The following PHLDB1 variants were observed in gnomAD, a reference collection of about 807,000 sequenced individuals.
PHLDB1 encodes pleckstrin homology like domain family B member 1.
PHLDB1 carries 65 observed loss-of-function variants against 139.3 expected under a neutral mutation model. The observed-to-expected ratio is 0.47, with a 90% confidence interval of 0.38 to 0.57. PHLDB1 has a LOEUF of 0.57. PHLDB1 is among the 20% of genes least tolerant of loss of function. The probability of loss-of-function intolerance (pLI) is 0.00; values close to 1 mark genes in which losing one functional copy is unlikely to be tolerated. For synonymous variants in PHLDB1, 679 were observed against 734.5 expected (o/e 0.92, Z 1.22); for missense variants, 1,624 against 1,839.7 (o/e 0.88, Z 2.14).
In PHLDB1 at chr11:118,627,908, G is replaced by A. The variant is rs782113295; in HGVS notation, c.1085G>A (p.Ser362Asn). The stretch of plus-strand genomic sequence containing the variant: ...GGGCAGCTGCCTGTGGTGGCCATCA[G>A]CCTGAGTGAATACCCAGCTTCTGGT... ...LGGQLPVVAI[S>N]LSEYPASGAL... Residue 362 changes from serine to asparagine, a missense_variant, in exon 6 of 23, where the codon AGC becomes AAC. Transcript: ENST00000600882. 1 of 1,611,658 alleles carries A rather than the reference G, an allele frequency of 6.2e-7. No homozygotes were observed. Among genetic ancestry groups the A allele is most frequent in the Non-Finnish European group, 8.5e-7 (1 of 1,180,020 alleles).
intron 13 of PHLDB1, 114 bp downstream of exon 13, chr11:118,642,508 C>A: frequency 1.6e-6 from 2 of 1,273,934 alleles, no homozygotes; most frequent in Non-Finnish European, 2.2e-6. Flanking sequence ...TCAGCCCAGT[C>A]AGGGCAATGA....
intron 17 of PHLDB1, chr11:118,646,810 G>A (rs527993811): frequency 6.6e-6 from 1 of 152,328 alleles, no homozygotes; most frequent in Non-Finnish European, 1.5e-5. Flanking sequence ...TCAGCAGTTT[G>A]AGGGATTTAA....
chr11:118,639,285 CA>C, intron 12 of PHLDB1, 34 bp downstream of exon 12: 2 of 1,528,950 alleles, frequency 1.3e-6, no homozygotes, highest in Non-Finnish European at 1.8e-6. Context: ...GCTTCAGGCC[CA>C]AGGCGTGTCC....
At chr11:118,609,461 C>G (rs1012518097) in intron 1 of PHLDB1, among the ~76,000 whole-genome samples, 1 of 149,384 alleles carries the variant, frequency 6.7e-6, no homozygotes, top group South Asian at 2.1e-4. Context: ...TCACACAGCC[C>G]CAGCCACACA....
intron 18 of PHLDB1, among the ~76,000 whole-genome samples, chr11:118,648,530 C>A (rs1947908781): frequency 6.6e-6 from 1 of 152,072 alleles, no homozygotes; most frequent in Admixed American, 6.5e-5. Flanking sequence ...TGCTGCCCCT[C>A]CTGCATGTGG....
At chr11:118,639,487 T>A (rs1946176375) in intron 12 of PHLDB1, 1 of 480,790 alleles carries the variant, frequency 2.1e-6, no homozygotes, top group Non-Finnish European at 3.8e-6. Context: ...CTGTTTTTGG[T>A]GGCTGAATAT....
chr11:118,609,387 A>G (rs1242931897), intron 1 of PHLDB1, among the ~76,000 whole-genome samples: 5 of 139,758 alleles, frequency 3.6e-5, no homozygotes, highest in Non-Finnish European at 7.6e-5. Context: ...TCAGCTCAAT[A>G]CACAGCCCAG....
At position 118,616,202 on chromosome 11, in the gene PHLDB1, C is replaced by A. The variant is rs782211405; in HGVS notation, c.346C>A (p.Leu116Ile). 2 of 1,613,856 alleles carry A rather than the reference C, an allele frequency of 1.2e-6. No homozygotes were observed. The highest frequency in any genetic ancestry group is 4.5e-5 in the East Asian group (2 of 44,884). Residue 116 changes from leucine (L) to isoleucine (I), a missense_variant, in exon 4 of 23, where the codon CTC becomes ATC. Physicochemically the swap from Leu to Ile is conservative, Grantham distance 5. Transcript: ENST00000600882. ...GCTCCCTGTCCGGCAGCCTACCCGG[C>A]TCACTCAGGGTAAGGCTGGACACCT... is the stretch of plus-strand genomic sequence containing the variant. ...DGLPVRQPTR[L>I]TQGCMLCLGQ...
At chr11:118,607,898 T>C (rs1319727354) in intron 1 of PHLDB1, among the ~76,000 whole-genome samples, 199 bp downstream of exon 1, 1 of 152,030 alleles carries the variant, frequency 6.6e-6, no homozygotes, top group Admixed American at 6.5e-5. Context: ...AGTTTTCCTG[T>C]GAGCCTCTTG....
intron 6 of PHLDB1, among the ~76,000 whole-genome samples, chr11:118,630,639 T>C (rs1944646178): frequency 6.6e-6 from 1 of 152,118 alleles, no homozygotes; most frequent in Non-Finnish European, 1.5e-5. Context: ...TCAGTGTGCA[T>C]TTGTGCATGT....
chr11:118,643,742 T>C, intron 13 of PHLDB1, 58 bp from the exon 14 acceptor site: 1 of 1,613,150 alleles, frequency 6.2e-7, no homozygotes, highest in Non-Finnish European at 8.5e-7. Context: ...CTAGGTGACA[T>C]GGGGGAGGTG....
chr11:118,656,627 A>T lies in PHLDB1; in HGVS notation c.3994-56A>T. On this transcript the variant is annotated intron_variant, in intron 22 of 22. Coordinates refer to ENST00000600882, the MANE Select transcript of PHLDB1 (RefSeq NM_001144758.3). ...AAGGGCAGATAGGGAGGCAGGTGAG[A>T]ATATTCCTGGGCATGGGTGAGCCCC... The T allele has an allele frequency of 2.5e-6, 4 of 1,570,752 alleles. No homozygotes were observed. The South Asian group carries it at 4.6e-5, about 18-fold the overall frequency.
At chr11:118,644,399 T>C (rs1183121973) in intron 15 of PHLDB1, 3 of 558,326 alleles carry the variant, frequency 5.4e-6, no homozygotes, top group Non-Finnish European at 6.4e-6. Context: ...ACATCTTTCC[T>C]AGAGAGCCTA....
chr11:118,614,525 A>C (rs782097702), intron 2 of PHLDB1, 34 bp from the exon 3 acceptor site: 11 of 1,611,600 alleles, frequency 6.8e-6, no homozygotes, highest in East Asian at 4.5e-5. Flanking sequence ...TGCTGAATCT[A>C]ATGATGCTTG....
Position 118,632,466 on chromosome 11 carries a change from C to A in PHLDB1, c.2379+170C>A, listed in dbSNP as rs1241161462. The A allele has an allele frequency of 2.8e-6, 2 of 722,626 alleles. No individual in the cohort carries two copies. Among genetic ancestry groups the A allele is most frequent in the South Asian group, 1.8e-5 (1 of 54,398 alleles). 44.8% of individuals were successfully genotyped at this position (722,626 alleles called of 1,614,324 possible). On this transcript the variant is annotated intron_variant, in intron 9 of 22. Coordinates refer to ENST00000600882, the MANE Select transcript of PHLDB1 (RefSeq NM_001144758.3). The surrounding 1 kb of genome is among the most constrained non-coding windows in gnomAD (Gnocchi z 5.9). The stretch of plus-strand genomic sequence containing the variant: ...ACTTCTCCTCCTCTGTGGAAGGAAC[C>A]AGCTTGGAGGGCACTGCCAGGGGCT...
Position 118,625,039 on chromosome 11 carries a change from C to T in PHLDB1, c.461C>T (p.Pro154Leu). Residue 154 changes from proline to leucine, a missense_variant, in exon 5 of 23, where the codon CCC becomes CTC. Coordinates refer to ENST00000600882, the MANE Select transcript of PHLDB1 (RefSeq NM_001144758.3). ...MIPAGGRAPG[P>L]PYSPVPAESE... The stretch of plus-strand genomic sequence containing the variant: ...CCAGCAGGGGGCCGAGCCCCTGGGC[C>T]CCCCTACAGCCCTGTTCCTGGTAGG... The T allele has an allele frequency of 6.2e-7, 1 of 1,610,426 alleles. No individual in the cohort carries two copies. Among genetic ancestry groups the T allele is most frequent in the Non-Finnish European group, 8.5e-7 (1 of 1,178,182 alleles).
intron 17 of PHLDB1, chr11:118,647,585 G>A: frequency 5.7e-6 from 1 of 175,748 alleles, no homozygotes. Flanking sequence ...ATGGTGGCAG[G>A]CACCTGTAAT....
In PHLDB1 at chr11:118,643,815, A is replaced by G. The variant is rs547659874; in HGVS notation, c.2893A>G (p.Met965Val). ...TTCTTTCCAGGTTTACCGCTCCAAG[A>G]TGGATGGCGAGGCCACCAGCCCCCT... ...SRQLQVYRSK[M>V]DGEATSPLPR... Residue 965 changes from methionine to valine, a missense_variant, in exon 14 of 23, where the codon ATG becomes GTG. Met to Val is a conservative substitution (Grantham distance 21). Transcript: ENST00000600882. The G allele has an allele frequency of 3.1e-6, 5 of 1,614,096 alleles. No homozygotes were observed. The East Asian group carries it at 6.7e-5, about 22-fold the overall frequency.
At chr11:118,612,725 C>G (rs1168799792) in intron 1 of PHLDB1, among the ~76,000 whole-genome samples, 1 of 152,240 alleles carries the variant, frequency 6.6e-6, no homozygotes, top group Non-Finnish European at 1.5e-5. Flanking sequence ...TCAGACACTC[C>G]TTGGAATGCG....
Sources: allele counts gnomAD v4.1 joint callset (sites outside exome capture counted in the v4.1 genomes callset), GRCh38; gene constraint gnomAD v4.1.1; non-coding constraint Gnocchi (gnomAD v3.1); transcripts MANE v1.5; gene names NCBI Gene and HGNC (gene_info 2026-07-23, HGNC 2026-07-21).